The following RBMS3 variants were observed in gnomAD, a reference collection of about 807,000 sequenced individuals.
The protein encoded by RBMS3 is RNA binding motif single stranded interacting protein 3, also known as RNA-binding motif, single-stranded-interacting protein 3.
In RBMS3, 27 loss-of-function variants were observed where a neutral mutation model predicts 66.8. The observed-to-expected ratio is 0.40, with a 90% CI of 0.30 to 0.56. RBMS3 has a LOEUF of 0.56. RBMS3 is among the 20% of genes least tolerant of loss of function. The pLI is 0.40. For synonymous variants in RBMS3, 188 were observed against 183.0 expected (o/e 1.03, Z -0.22); for missense variants, 513 against 549.5 (o/e 0.93, Z 0.66).
intron 1 of RBMS3, among the ~76,000 whole-genome samples, chr3:29,311,488 A>T (rs2034371572): frequency 6.6e-6 from 1 of 151,778 alleles, no homozygotes; most frequent in Non-Finnish European, 1.5e-5. Flanking sequence ...TCACACTACA[A>T]TATGCAAGCC....
At chr3:29,790,347 G>C (rs1483901217) in intron 6 of RBMS3, among the ~76,000 whole-genome samples, 1 of 152,098 alleles carries the variant, frequency 6.6e-6, no homozygotes, top group African/African-American at 2.4e-5. Context: ...GGCGTCTTTT[G>C]TAAAGTATAG....
chr3:29,709,300 G>A (rs2053050790), intron 4 of RBMS3, among the ~76,000 whole-genome samples: 1 of 152,098 alleles, frequency 6.6e-6, no homozygotes, highest in Admixed American at 6.5e-5. Flanking sequence ...CTTTATGTTT[G>A]GTAGCTCTTG....
chr3:29,401,650 A>G (rs2039815103), intron 1 of RBMS3, among the ~76,000 whole-genome samples: 1 of 152,142 alleles, frequency 6.6e-6, no homozygotes, highest in Non-Finnish European at 1.5e-5. Context: ...GAGCATGGGC[A>G]TATAGAATGA....
Position 30,006,939 on chromosome 3 carries a change from C to A in RBMS3, c.*3077C>A, listed in dbSNP as rs1029625419. On this transcript the variant is annotated 3_prime_UTR_variant, in exon 15 of 15. Coordinates refer to ENST00000383767, the MANE Select transcript of RBMS3 (RefSeq NM_001003793.3). Reference sequence around the variant, plus strand: ...TATCAATTTTTTAAGCCAGTTTCTGCAAAAGGAAATGACCTGTCATTTGAT... The same window carrying A: ...TATCAATTTTTTAAGCCAGTTTCTGAAAAAGGAAATGACCTGTCATTTGAT... 8 of 151,736 alleles carry A rather than the reference C, an allele frequency of 5.3e-5. No individual in the cohort carries two copies. The highest frequency in any genetic ancestry group is 1.9e-4 in the African/African-American group (8 of 41,296). 9.4% of individuals were successfully genotyped at this position (151,736 alleles called of 1,614,324 possible).
At chr3:29,680,875 T>C (rs1202944178) in intron 4 of RBMS3, among the ~76,000 whole-genome samples, 5 of 152,212 alleles carry the variant, frequency 3.3e-5, no homozygotes, top group Non-Finnish European at 7.3e-5. Context: ...TACAATGAAA[T>C]ACAGGAATCT....
At chr3:29,672,274 C>T (rs2051036400) in intron 4 of RBMS3, among the ~76,000 whole-genome samples, 1 of 152,188 alleles carries the variant, frequency 6.6e-6, no homozygotes, top group Admixed American at 6.5e-5. Context: ...CTTACAAGAG[C>T]TCCTAAAGGA....
Position 29,994,020 on chromosome 3 carries a change from C to T in RBMS3, c.1307+2811C>T, listed in dbSNP as rs868057656. 7.3e-5 allele frequency among the ~76,000 whole-genome samples: 11 copies of T among 150,786 alleles called. No individual in the cohort carries two copies. The South Asian group carries it at 1.1e-3, about 14-fold the overall frequency. On this transcript the variant is annotated intron_variant, in intron 14 of 14. Transcript: ENST00000383767. ...ATTTCTGCATTTCCATCTGATGTAC[C>T]GGGTTCATCTCACTAGGGAGTGCCA...
intron 1 of RBMS3, among the ~76,000 whole-genome samples, chr3:29,327,765 C>T (rs974480791): frequency 2.0e-5 from 3 of 152,110 alleles, no homozygotes; most frequent in South Asian, 4.1e-4. Context: ...ATCATGTCTT[C>T]CAAGGATCGC....
intron 4 of RBMS3, among the ~76,000 whole-genome samples, chr3:29,631,107 CAG>C (rs2049266658): frequency 6.6e-6 from 1 of 151,890 alleles, no homozygotes; most frequent in South Asian, 2.1e-4. Context: ...AGAAGTGACT[CAG>C]AAAGTCAGAA....
intron 1 of RBMS3, among the ~76,000 whole-genome samples, chr3:29,396,025 A>T (rs72496950): frequency 0.056 from 8,477 of 152,208 alleles, 407 homozygotes; most frequent in East Asian, 0.19. Flanking sequence ...CAAGCTGAAA[A>T]ATTGTAACTA....
At chr3:29,441,794 C>G (rs1428219384) in intron 2 of RBMS3, among the ~76,000 whole-genome samples, 1 of 152,144 alleles carries the variant, frequency 6.6e-6, no homozygotes. Flanking sequence ...AGATTGAGAA[C>G]TTTTAGACTT....
chr3:29,540,679 G>T (rs1321203446), intron 3 of RBMS3, among the ~76,000 whole-genome samples: 7 of 152,176 alleles, frequency 4.6e-5, no homozygotes, highest in African/African-American at 1.4e-4. Context: ...TAGGTAACTT[G>T]TATCACTTAG....
intron 6 of RBMS3, among the ~76,000 whole-genome samples, chr3:29,765,324 C>T (rs2055875965): frequency 6.6e-6 from 1 of 151,792 alleles, no homozygotes; most frequent in Admixed American, 6.6e-5. Context: ...ATGTCTTAAC[C>T]AATATTTGAT....
intron 2 of RBMS3, among the ~76,000 whole-genome samples, chr3:29,481,734 A>G (rs1026847923): frequency 1.3e-5 from 2 of 152,160 alleles, no homozygotes; most frequent in African/African-American, 4.8e-5. Context: ...ATGCTAAATC[A>G]TGTGCTTCCT....
chr3:29,994,076 C>G lies in RBMS3; in HGVS notation c.1307+2867C>G, dbSNP rs374080549. 4.6e-5 allele frequency among the ~76,000 whole-genome samples: 7 copies of G among 152,214 alleles called. No individual in the cohort carries two copies. In the South Asian group the frequency reaches 1.5e-3, roughly 32 times the overall value. On this transcript the variant is annotated intron_variant, in intron 14 of 14. Coordinates refer to ENST00000383767, the MANE Select transcript of RBMS3 (RefSeq NM_001003793.3). ...GGCGCAGGTCAGTGGGTGCATGCAC[C>G]GTGCGCAAGCCGAAGCAGGGCGAGG...
intron 4 of RBMS3, among the ~76,000 whole-genome samples, chr3:29,627,269 C>G (rs1000798990): frequency 2.7e-5 from 4 of 148,116 alleles, no homozygotes; most frequent in Middle Eastern, 3.3e-3. Flanking sequence ...CTCTCTCTCT[C>G]TCTCTTTCTC....
intron 1 of RBMS3, among the ~76,000 whole-genome samples, chr3:29,366,525 T>C (rs7653631): frequency 0.62 from 94,458 of 151,702 alleles, 29,963 homozygotes; most frequent in Non-Finnish European, 0.69. Flanking sequence ...GTACTACAGC[T>C]ATGAGCCACC....
intron 1 of RBMS3, among the ~76,000 whole-genome samples, chr3:29,293,569 C>T (rs572017586): frequency 1.3e-5 from 2 of 151,716 alleles, no homozygotes; most frequent in Admixed American, 6.6e-5. Flanking sequence ...TGTTATTATT[C>T]GTGGTCCATC....
At chr3:29,655,829 A>G (rs78988050) in intron 4 of RBMS3, among the ~76,000 whole-genome samples, 35,129 of 151,944 alleles carry the variant, frequency 0.23, 4,425 homozygotes, top group East Asian at 0.35. Context: ...TATTGCCCCT[A>G]AAGACTTCTC....
Sources: allele counts gnomAD v4.1 joint callset (sites outside exome capture counted in the v4.1 genomes callset), GRCh38; gene constraint gnomAD v4.1.1; transcripts MANE v1.5; gene names NCBI Gene and HGNC (gene_info 2026-07-23, HGNC 2026-07-21).